BUB1B: variants seen among roughly 807,000 people sequenced by gnomAD.
The protein encoded by BUB1B is BUB1 mitotic checkpoint serine/threonine kinase B.
BUB1B carries 86 observed loss-of-function variants against 137.7 expected under a neutral mutation model. The observed-to-expected ratio is 0.62, with a 90% CI of 0.52 to 0.75. The LOEUF is 0.75. Among genes scored for constraint, BUB1B ranks in the 30% least tolerant of loss-of-function variants. BUB1B has a pLI of 0.00. For synonymous variants in BUB1B, 420 were observed against 417.9 expected, an observed-to-expected ratio of 1.00 and a Z score of -0.06; for missense variants, 1,130 against 1,236.9, an observed-to-expected ratio of 0.91 and a Z score of 1.30.
chr15:40,163,944 A>G (rs1447722573), intron 1 of BUB1B, among the ~76,000 whole-genome samples: 2 of 152,208 alleles, frequency 1.3e-5, no homozygotes, highest in Non-Finnish European at 2.9e-5. Context: ...ATTAGTGCCA[A>G]TGTGTCTCTC....
At chr15:40,207,715 T>G (rs953530291) in intron 15 of BUB1B, among the ~76,000 whole-genome samples, 15 of 151,898 alleles carry the variant, frequency 9.9e-5, no homozygotes, top group South Asian at 8.3e-4. Context: ...TTACCTAGAT[T>G]CTGATTTGGG....
chr15:40,162,522 G>C (rs962869583), intron 1 of BUB1B, among the ~76,000 whole-genome samples: 1 of 152,204 alleles, frequency 6.6e-6, no homozygotes, highest in Non-Finnish European at 1.5e-5. Context: ...CAGCTCAAAA[G>C]TGAGTTGAGC....
intron 14 of BUB1B, among the ~76,000 whole-genome samples, chr15:40,203,478 A>G (rs1429831774): frequency 6.6e-6 from 1 of 152,144 alleles, no homozygotes; most frequent in African/African-American, 2.4e-5. Context: ...TGGTTGTACA[A>G]CCTTGTGAAT....
intron 8 of BUB1B, among the ~76,000 whole-genome samples, chr15:40,196,209 G>A (rs1396221465): frequency 6.6e-6 from 1 of 152,106 alleles, no homozygotes; most frequent in Non-Finnish European, 1.5e-5. Context: ...CTTGTGACTT[G>A]CCAATTATCC....
chr15:40,187,317 G>A (rs1229282697), intron 8 of BUB1B, among the ~76,000 whole-genome samples: 9 of 151,994 alleles, frequency 5.9e-5, no homozygotes, highest in Admixed American at 2.6e-4. Context: ...TAGTAGAGAC[G>A]GGATTTCACC....
At chr15:40,168,691 T>C (rs913247163) in intron 2 of BUB1B, among the ~76,000 whole-genome samples, 2 of 152,144 alleles carry the variant, frequency 1.3e-5, no homozygotes, top group African/African-American at 4.8e-5. Context: ...AGTCTTTAAA[T>C]TTACATTTAA....
intron 9 of BUB1B, 122 bp from the exon 10 acceptor site, chr15:40,199,493 C>A: frequency 1.3e-6 from 1 of 748,948 alleles, no homozygotes; most frequent in Non-Finnish European, 2.4e-6. Flanking sequence ...GACCTTATTC[C>A]ACTTAAATCA....
chr15:40,168,809 G>A (rs931083911), intron 2 of BUB1B, among the ~76,000 whole-genome samples: 9 of 151,966 alleles, frequency 5.9e-5, no homozygotes, highest in African/African-American at 1.7e-4. Flanking sequence ...TTCCACCTTC[G>A]TAATTTTATT....
rs1301501405 is a variant in BUB1B, at chr15:40,183,965, T to A, written c.751+82T>A. 4.9e-6 allele frequency: 7 copies of A among 1,426,934 alleles called. No homozygotes were observed. In the East Asian group the frequency reaches 1.5e-4, roughly 30 times the overall value. The allele number at this position is 1,426,934 out of a possible 1,614,324, so 88.4% of individuals were successfully genotyped here. ...TAAGAAGATAATACATAAATATACC[T>A]GTGGACACTTCTAGTTTGCTGAATA... On this transcript the variant is annotated intron_variant, in intron 6 of 22. Transcript: ENST00000287598.
At chr15:40,173,152 G>T (rs528451612) in intron 4 of BUB1B, among the ~76,000 whole-genome samples, 130 of 152,072 alleles carry the variant, frequency 8.5e-4, no homozygotes, top group African/African-American at 3.1e-3. Context: ...GCACGTGGTG[G>T]TGCGCACATG....
intron 22 of BUB1B, among the ~76,000 whole-genome samples, chr15:40,219,503 A>C (rs566661820): frequency 1.3e-5 from 2 of 152,122 alleles, no homozygotes; most frequent in East Asian, 3.9e-4. Context: ...AGATTACCTG[A>C]GGTCAGGAGT....
intron 5 of BUB1B, 134 bp from the exon 6 acceptor site, chr15:40,183,580 A>G: frequency 1.2e-6 from 1 of 810,910 alleles, no homozygotes. Flanking sequence ...GAGAGAATAA[A>G]CATGTTCTTT....
At chr15:40,209,544 A>ATTTTT in intron 16 of BUB1B, 91 bp from the exon 17 acceptor site, 1 of 1,423,124 alleles carries the variant, frequency 7.0e-7, no homozygotes. Flanking sequence ...TGTAATCTTG[A>ATTTTT]TTTTTTTTTT....
chr15:40,187,923 AAAG>A (rs2037388297), intron 8 of BUB1B, among the ~76,000 whole-genome samples: 2 of 152,216 alleles, frequency 1.3e-5, no homozygotes, highest in South Asian at 4.1e-4. Context: ...CGAAAATAAA[AAAG>A]AAAATCCTAT....
intron 8 of BUB1B, among the ~76,000 whole-genome samples, chr15:40,193,452 T>C (rs945512320): frequency 7.1e-6 from 1 of 140,636 alleles, no homozygotes; most frequent in South Asian, 2.3e-4. Context: ...TTTTTTTTTT[T>C]ATATGCTTAT....
rs1291881368 is a variant in BUB1B, at chr15:40,206,441, C to A, written c.1992C>A (p.Leu664=). ...GTGGCACTATCTACAGTCAGACTCT[C>A]AGCATCAAGAAGCTGAGGTGATTGG... The part of the protein sequence containing the change: ...TACGTIYSQT[L]SIKKLSPIIE... The change falls in exon 15 of 23, where the codon CTC becomes CTA. Residue 664 remains leucine, a synonymous_variant. Transcript: ENST00000287598. The A allele has an allele frequency of 1.2e-6, 2 of 1,614,172 alleles. No individual in the cohort carries two copies. Among genetic ancestry groups the A allele is most frequent in the Admixed American group, 1.7e-5 (1 of 60,024 alleles).
rs763144620 is a variant in BUB1B at position 40,206,472 on chromosome 15, T to C, written c.2009+14T>C. ...CAAGAAGCTGAGGTGATTGGGGATT[T>C]ACAGGTTTTACAAACCAGATTGTTT... On this transcript the variant is annotated intron_variant, in intron 15 of 22. Transcript: ENST00000287598. 3 of 1,614,092 alleles carry C rather than the reference T, an allele frequency of 1.9e-6. No homozygotes were observed. The highest frequency in any genetic ancestry group is 2.5e-6 in the Non-Finnish European group (3 of 1,180,016).
At chr15:40,211,482 A>C (rs951474301) in intron 18 of BUB1B, among the ~76,000 whole-genome samples, 4 of 152,162 alleles carry the variant, frequency 2.6e-5, no homozygotes, top group South Asian at 2.1e-4. Flanking sequence ...TGATCATAGA[A>C]GTCTTCTCCC....
chr15:40,185,306 C>T lies in BUB1B; in HGVS notation c.893C>T (p.Pro298Leu), dbSNP rs986620736. 6.2e-7 allele frequency: 1 copy of T among 1,614,076 alleles called. No individual in the cohort carries two copies. Among genetic ancestry groups the T allele is most frequent in the Non-Finnish European group, 8.5e-7 (1 of 1,180,008 alleles). Residue 298 changes from proline to leucine, a missense_variant, in exon 7 of 23, where the codon CCC (proline) becomes CTC (leucine). Coordinates refer to ENST00000287598, the MANE Select transcript of BUB1B (RefSeq NM_001211.6). ...SKPTVQPWIA[P>L]PMPRAKENEL... ...CCTACAGTCCAGCCATGGATAGCAC[C>T]CCCCATGCCCAGGGCCAAAGAGAAT...
Sources: gnomAD v4.1 joint callset for allele counts (sites outside exome capture counted in the v4.1 genomes callset) on GRCh38, gnomAD v4.1.1 for gene constraint, MANE v1.5 for transcripts, NCBI Gene and HGNC (gene_info 2026-07-23, HGNC 2026-07-21) for gene names.